Variants in SYNM observed in about 807,000 individuals in gnomAD.
SYNM encodes desmuslin.
A neutral mutation model predicts 104.0 loss-of-function variants in SYNM; 95 were observed. The observed-to-expected ratio is 0.91, with a 90% CI of 0.77 to 1.08. The LOEUF (loss-of-function observed/expected upper bound fraction) is 1.08. Among genes scored for constraint, SYNM ranks in the 50% least tolerant of loss-of-function variants. The probability of loss-of-function intolerance (pLI) is 0.00; values close to 1 mark genes in which losing one functional copy is unlikely to be tolerated. For synonymous variants in SYNM, 918 were observed against 869.0 expected (o/e 1.06, Z -0.99); for missense variants, 2,150 against 2,052.2 (o/e 1.05, Z -0.92).
At chr15:99,124,407 C>T (rs963262948) in intron 2 of SYNM, among the ~76,000 whole-genome samples, 51 of 152,264 alleles carry the variant, frequency 3.3e-4, no homozygotes, top group African/African-American at 1.1e-3. Context: ...AGTGCCCAGC[C>T]GGGTGCTCAC....
At chr15:99,115,819 A>G (rs1189539198) in intron 2 of SYNM, among the ~76,000 whole-genome samples, 2 of 152,202 alleles carry the variant, frequency 1.3e-5, no homozygotes, top group Admixed American at 1.3e-4. Context: ...TTTGATGTCT[A>G]TTAAAAGGGT....
chr15:99,115,012 G>A (rs1481996853), intron 2 of SYNM, among the ~76,000 whole-genome samples: 7 of 152,104 alleles, frequency 4.6e-5, no homozygotes, highest in South Asian at 2.1e-4. Flanking sequence ...TCTCTGCTCC[G>A]AGTCAACTCT....
intron 2 of SYNM, among the ~76,000 whole-genome samples, 154 bp from the exon 3 acceptor site, chr15:99,126,568 C>G (rs976050981): frequency 6.6e-6 from 1 of 152,256 alleles, no homozygotes; most frequent in Admixed American, 6.5e-5. Context: ...CTTGCCAGCC[C>G]TATGGTGCAG....
chr15:99,138,239 G>T, downstream of SYNM: 1 of 1,298,942 alleles, frequency 7.7e-7, no homozygotes, highest in South Asian at 1.4e-5. Context: ...AGAAGACTTG[G>T]TAGGGGCTAT....
chr15:99,105,721 C>T lies in SYNM; in HGVS notation c.522C>T (p.Ala174=). The change falls in exon 1 of 4, where the codon GCC becomes GCT. Residue 174 remains alanine (A), a synonymous_variant. Transcript: ENST00000336292. ...TCCGCGCCCGCGCCACCGGCCCCGC[C>T]GCGCCGCCGCCACGCCTGCGGGAGG... ...MHFRARATGP[A]APPPRLREVH... The T allele has an allele frequency of 6.7e-7, 1 of 1,499,978 alleles. No homozygotes were observed. The highest frequency in any genetic ancestry group is 8.9e-7 in the Non-Finnish European group (1 of 1,128,820). The allele number at this position is 1,499,978 out of a possible 1,614,324, so 92.9% of individuals were successfully genotyped here.
At chr15:99,140,846 A>G in the SYNM span, 2 of 152,248 alleles carry the variant, frequency 1.3e-5, no homozygotes, top group East Asian at 3.8e-4. Context: ...AGTGCACAGA[A>G]ATGAGAAAGG....
At chr15:99,112,997 C>T (rs1253071190) in intron 1 of SYNM, among the ~76,000 whole-genome samples, 1 of 152,220 alleles carries the variant, frequency 6.6e-6, no homozygotes, top group Non-Finnish European at 1.5e-5. Flanking sequence ...AGGTGTGAGC[C>T]ACCACGCTAG....
intron 1 of SYNM, among the ~76,000 whole-genome samples, chr15:99,113,201 A>G (rs1555483587): frequency 6.6e-6 from 1 of 152,210 alleles, no homozygotes; most frequent in African/African-American, 2.4e-5. Flanking sequence ...TGTTTTGAAT[A>G]TTGTAAAACC....
At chr15:99,138,159 G>T (rs782180366), downstream of SYNM, 1 of 1,609,160 alleles carries the variant, frequency 6.2e-7, no homozygotes, top group South Asian at 1.1e-5. Context: ...GGTGAGTGTG[G>T]TGCCCCTCAG....
Position 99,133,705 on chromosome 15 carries a change from G to A in SYNM, c.*647G>A, listed in dbSNP as rs948028674. On this transcript the variant is annotated 3_prime_UTR_variant, in exon 4 of 4. Transcript: ENST00000336292. ...AGTATTTATGGCGAGGACAGCTGTA[G>A]TCTGTTGTGATATTTCACATTCTAT... The A allele has an allele frequency of 1.3e-5, 2 of 153,664 alleles. No individual in the cohort carries two copies. The highest frequency in any genetic ancestry group is 4.8e-5 in the African/African-American group (2 of 41,456). The allele number at this position is 153,664 out of a possible 1,614,324, so 9.5% of individuals were successfully genotyped here. A position where few individuals can be genotyped will look rare whatever the true frequency, so the allele number is the denominator to read the frequency against.
At chr15:99,120,754 G>C (rs1317236803) in intron 2 of SYNM, among the ~76,000 whole-genome samples, 1 of 152,176 alleles carries the variant, frequency 6.6e-6, no homozygotes, top group Non-Finnish European at 1.5e-5. Context: ...GTGAGAATCA[G>C]GGGAGGCTTC....
At chr15:99,117,007 T>C (rs1670240) in intron 2 of SYNM, among the ~76,000 whole-genome samples, 79,898 of 142,320 alleles carry the variant, frequency 0.56, 27,325 homozygotes, top group Middle Eastern at 0.68. Context: ...CCAGATCTCA[T>C]GTGGACTCAT....
the SYNM span, chr15:99,140,791 A>G: frequency 2.6e-5 from 4 of 152,230 alleles, no homozygotes; most frequent in African/African-American, 9.6e-5. Flanking sequence ...AAAATTCACC[A>G]TAAGCAAAGT....
In SYNM at chr15:99,126,748, C is replaced by T. The variant is rs1555485062; in HGVS notation, c.962C>T (p.Pro321Leu). ...YRALLEGESN[P>L]EIVIWAEHVE... ...GCCTTATTGGAAGGAGAAAGTAATC[C>T]AGAGATAGTGATCTGGGCTGAGCAC... Residue 321 changes from proline to leucine, a missense_variant, in exon 3 of 4, where the codon CCA becomes CTA. Pro to Leu is a moderately conservative substitution (Grantham distance 98). Transcript: ENST00000336292. 1 of 1,581,306 alleles carries T rather than the reference C, an allele frequency of 6.3e-7. No homozygotes were observed. Among genetic ancestry groups the T allele is most frequent in the Non-Finnish European group, 8.6e-7 (1 of 1,162,948 alleles).
At chr15:99,126,565 G>GC (rs2067449593) in intron 2 of SYNM, among the ~76,000 whole-genome samples, 157 bp from the exon 3 acceptor site, 1 of 152,254 alleles carries the variant, frequency 6.6e-6, no homozygotes, top group African/African-American at 2.4e-5. Flanking sequence ...GGGCTTGCCA[G>GC]CCCTATGGTG....
In SYNM at chr15:99,132,029, T is replaced by G; in HGVS notation, c.3669T>G (p.Phe1223Leu). 6.2e-7 allele frequency: 1 copy of G among 1,613,986 alleles called. No individual in the cohort carries two copies. The highest frequency in any genetic ancestry group is 8.5e-7 in the Non-Finnish European group (1 of 1,179,904). Reference protein sequence around the residue: ...DMDGSGRHSTFGCRQFHAEKE... With the variant: ...DMDGSGRHSTLGCRQFHAEKE... ...ACGGATCAGGGAGGCACAGCACATTTGGCTGCAGACAATTTCATGCTGAAA... is the reference window on the plus strand; with the variant it reads ...ACGGATCAGGGAGGCACAGCACATTGGGCTGCAGACAATTTCATGCTGAAA... Residue 1223 changes from phenylalanine (F) to leucine (L), a missense_variant, in exon 4 of 4, where the codon TTT becomes TTG. By Grantham distance (22) the Phe-to-Leu change is conservative. Transcript: ENST00000336292.
At position 99,133,403 on chromosome 15, in the gene SYNM, C is replaced by G. The variant is rs574494207; in HGVS notation, c.*345C>G. The G allele has an allele frequency of 7.3e-5, 19 of 258,610 alleles. No homozygotes were observed. Among genetic ancestry groups the G allele is most frequent in the Non-Finnish European group, 1.1e-4 (15 of 135,526 alleles). 16.0% of individuals were successfully genotyped at this position (258,610 alleles called of 1,614,324 possible). ...TGAAACTACAATTAATTATAGATGT[C>G]AAAACATTAACCAGATTAAAGTAAT... On this transcript the variant is annotated 3_prime_UTR_variant, in exon 4 of 4. Transcript: ENST00000336292.
intron 1 of SYNM, among the ~76,000 whole-genome samples, chr15:99,110,371 C>T (rs572319715): frequency 1.2e-4 from 19 of 152,234 alleles, no homozygotes; most frequent in African/African-American, 2.6e-4. Flanking sequence ...GTTAGGAGGA[C>T]GGGCCTGGGT....
chr15:99,125,191 C>T lies in SYNM; in HGVS notation c.936-1531C>T, dbSNP rs781904368. 9.2e-5 allele frequency among the ~76,000 whole-genome samples: 14 copies of T among 152,224 alleles called. 1 individual carries two copies. The highest frequency in any genetic ancestry group is 1.3e-4 in the Admixed American group (2 of 15,274). On this transcript the variant is annotated intron_variant, in intron 2 of 3. Transcript: ENST00000336292. ...TGAACTAGAACCTAGTCTTTCTCCC[C>T]ACGCCCTGCCCTGGCTCCTCAGCTG...
Sources: gnomAD v4.1 joint callset for allele counts (sites outside exome capture counted in the v4.1 genomes callset) on GRCh38, gnomAD v4.1.1 for gene constraint, MANE v1.5 for transcripts, NCBI Gene and HGNC (gene_info 2026-07-23, HGNC 2026-07-21) for gene names.